Variants in PTPRN2 observed in about 807,000 individuals in gnomAD.
The protein encoded by PTPRN2 is receptor-type tyrosine-protein phosphatase N2.
In PTPRN2, 74 loss-of-function variants were observed where a neutral mutation model predicts 118.8. The ratio of observed to expected loss-of-function variants is 0.62; its 90% CI spans 0.52 to 0.76. The LOEUF (loss-of-function observed/expected upper bound fraction) is 0.76, where lower values mean the gene tolerates loss of function less well. Ranked by LOEUF, PTPRN2 falls within the 30% of genes least tolerant of loss-of-function variation. The probability of loss-of-function intolerance (pLI) is 0.00; values close to 1 mark genes in which losing one functional copy is unlikely to be tolerated. For synonymous variants in PTPRN2, 641 were observed against 608.0 expected (o/e 1.05, Z -0.80); for missense variants, 1,481 against 1,394.4 (o/e 1.06, Z -0.99).
At chr7:158,501,853 C>G (rs1822384944) in intron 1 of PTPRN2, among the ~76,000 whole-genome samples, 1 of 152,200 alleles carries the variant, frequency 6.6e-6, no homozygotes, top group African/African-American at 2.4e-5. Flanking sequence ...AGTTCTACCC[C>G]TGAAAGTGAG....
intron 11 of PTPRN2, among the ~76,000 whole-genome samples, chr7:158,079,839 G>A (rs146042787): frequency 7.2e-5 from 11 of 152,250 alleles, no homozygotes; most frequent in Non-Finnish European, 1.3e-4. Context: ...TGCTGGGACC[G>A]CACTGGACCG....
intron 19 of PTPRN2, among the ~76,000 whole-genome samples, chr7:157,572,824 A>G (rs568004224): frequency 1.3e-5 from 2 of 152,350 alleles, no homozygotes; most frequent in African/African-American, 4.8e-5. Context: ...GCTGATGCCC[A>G]AAAATGGGCG....
rs528290589 is a variant in PTPRN2, at chr7:158,093,251, G to A, written c.1644-11874C>T. On this transcript the variant is annotated intron_variant, in intron 10 of 22. Transcript: ENST00000389418. This position sits in a 1 kb window ranked among gnomAD's most constrained non-coding sequence, Gnocchi z 4.4. ...CCCCACACTGTAGACCCACACGCAG[G>A]CCTGCACCGTCCTTTCCTGACTCTG... 3.0e-4 allele frequency among the ~76,000 whole-genome samples: 36 copies of A among 119,906 alleles called. 3 individuals carry two copies. Among genetic ancestry groups the A allele is most frequent in the South Asian group, 5.7e-4 (2 of 3,506 alleles). The allele number at this position is 119,906 out of a possible 152,430, so 78.7% of individuals were successfully genotyped here.
chr7:157,876,877 T>C (rs1563198738), intron 12 of PTPRN2, among the ~76,000 whole-genome samples: 1 of 152,158 alleles, frequency 6.6e-6, no homozygotes, highest in Non-Finnish European at 1.5e-5. Flanking sequence ...CAGGAGGCAC[T>C]AGGGACACGC....
At chr7:158,224,378 A>G (rs1353194517) in intron 3 of PTPRN2, among the ~76,000 whole-genome samples, 1 of 152,252 alleles carries the variant, frequency 6.6e-6, no homozygotes, top group Non-Finnish European at 1.5e-5. Flanking sequence ...AAGACTGTGT[A>G]GTACTGATGA....
intron 12 of PTPRN2, among the ~76,000 whole-genome samples, chr7:157,836,327 G>A (rs561219799): frequency 1.3e-5 from 2 of 152,286 alleles, no homozygotes; most frequent in African/African-American, 4.8e-5. Flanking sequence ...TGGATAAGAG[G>A]AATTGAGGTA....
At chr7:158,136,730 C>T in intron 7 of PTPRN2, 35 bp from the exon 8 acceptor site, 2 of 1,604,128 alleles carry the variant, frequency 1.2e-6, no homozygotes, top group Non-Finnish European at 1.7e-6. Flanking sequence ...AGACCCTCAT[C>T]AAGAATGTCA....
chr7:157,635,850 C>T (rs916433448), intron 14 of PTPRN2, among the ~76,000 whole-genome samples: 1 of 152,218 alleles, frequency 6.6e-6, no homozygotes, highest in African/African-American at 2.4e-5. Context: ...TCTCTCACCC[C>T]AGCCAGGACA....
chr7:158,273,562 CCG>C (rs1422997097), intron 3 of PTPRN2, among the ~76,000 whole-genome samples: 1,912 of 101,480 alleles, frequency 0.019, 339 homozygotes, highest in East Asian at 0.04. Context: ...ACAGGGGGAG[CCG>C]CAGGCACAGG....
chr7:158,188,646 G>A (rs34714130), intron 5 of PTPRN2, among the ~76,000 whole-genome samples: 3 of 123,992 alleles, frequency 2.4e-5, no homozygotes, highest in Non-Finnish European at 3.3e-5. Flanking sequence ...CGCCACGCTC[G>A]CCCCCTGATG....
At chr7:157,976,251 G>A (rs1486095993) in intron 11 of PTPRN2, among the ~76,000 whole-genome samples, 3 of 152,140 alleles carry the variant, frequency 2.0e-5, no homozygotes, top group East Asian at 3.9e-4. Flanking sequence ...TGAGGTGCTC[G>A]GCGATTCCCA....
chr7:157,559,194 C>A (rs1377745516), intron 21 of PTPRN2, among the ~76,000 whole-genome samples: 1 of 152,244 alleles, frequency 6.6e-6, no homozygotes, highest in Non-Finnish European at 1.5e-5. Flanking sequence ...TACGAGGGAG[C>A]CCCACTGCCA....
intron 6 of PTPRN2, among the ~76,000 whole-genome samples, chr7:158,152,429 G>A (rs1275629263): frequency 6.6e-6 from 1 of 152,198 alleles, no homozygotes; most frequent in Non-Finnish European, 1.5e-5. Context: ...AAGCTGCCTG[G>A]CGTGTTGGGT....
chr7:158,302,059 G>A (rs970870026), intron 3 of PTPRN2, among the ~76,000 whole-genome samples: 4 of 152,184 alleles, frequency 2.6e-5, no homozygotes, highest in Admixed American at 1.3e-4. Flanking sequence ...AAACAAACCC[G>A]CTGGCAGTTA....
rs1389797193 is a variant in PTPRN2 at position 157,974,153 on chromosome 7, G to A, written c.1724-75416C>T. On this transcript the variant is annotated intron_variant, in intron 11 of 22. Transcript: ENST00000389418. The surrounding 1 kb of genome is among the most constrained non-coding windows in gnomAD (Gnocchi z 4.0). Reference sequence around the variant, plus strand: ...TGACGCTGCACAGGTCATGAGCGCCGGCCCTGCGGATCCGGCGATGATCAT... The same window carrying A: ...TGACGCTGCACAGGTCATGAGCGCCAGCCCTGCGGATCCGGCGATGATCAT... 2.0e-5 allele frequency among the ~76,000 whole-genome samples: 3 copies of A among 152,232 alleles called. No homozygotes were observed. The highest frequency in any genetic ancestry group is 4.1e-4 in the South Asian group (2 of 4,832).
intron 1 of PTPRN2, among the ~76,000 whole-genome samples, chr7:158,532,407 C>T (rs1825315132): frequency 6.6e-6 from 1 of 152,180 alleles, no homozygotes; most frequent in Admixed American, 6.5e-5. Context: ...GTCAAACAGG[C>T]ATCAGAGCAT....
chr7:158,098,503 G>A (rs534910098), intron 10 of PTPRN2, among the ~76,000 whole-genome samples: 2 of 152,230 alleles, frequency 1.3e-5, no homozygotes, highest in East Asian at 1.9e-4. Flanking sequence ...GAAGCCGTCC[G>A]TGCTCAGAAT....
At chr7:158,445,948 G>C (rs538222721) in intron 2 of PTPRN2, among the ~76,000 whole-genome samples, 6 of 151,884 alleles carry the variant, frequency 4.0e-5, no homozygotes, top group African/African-American at 9.7e-5. Flanking sequence ...TCGGACCACC[G>C]CATGTGAGAA....
chr7:158,389,384 G>T (rs185605497), intron 2 of PTPRN2, among the ~76,000 whole-genome samples: 198 of 152,362 alleles, frequency 1.3e-3, no homozygotes, highest in African/African-American at 4.5e-3. Context: ...GCTCTGAAAT[G>T]CAAGTTCATT....
Sources: allele counts gnomAD v4.1 joint callset (sites outside exome capture counted in the v4.1 genomes callset), GRCh38; gene constraint gnomAD v4.1.1; non-coding constraint Gnocchi (gnomAD v3.1); transcripts MANE v1.5; gene names NCBI Gene and HGNC (gene_info 2026-07-23, HGNC 2026-07-21).